ZSCAN5A: variants seen among roughly 807,000 people sequenced by gnomAD.
ZSCAN5A encodes zinc finger and SCAN domain-containing protein 5A.
Under a neutral mutation model 23.7 loss-of-function variants are expected in ZSCAN5A, and 12 were observed. That is an observed-to-expected ratio of 0.51 (90% CI 0.32 to 0.82). The LOEUF is 0.82. Ranked by LOEUF, ZSCAN5A falls within the 40% of genes least tolerant of loss-of-function variation. ZSCAN5A has a pLI of 0.03. For missense variants in ZSCAN5A, 597 were observed against 617.9 expected, an observed-to-expected ratio of 0.97 and a Z score of 0.36; for synonymous variants, 257 against 239.9, an observed-to-expected ratio of 1.07 and a Z score of -0.66.
chr19:56,357,070 T>C (rs1410609898), intron 2 of ZSCAN5A, among the ~76,000 whole-genome samples: 8 of 148,760 alleles, frequency 5.4e-5, no homozygotes. Context: ...TTTCCATTTG[T>C]GTTAGGCCTC....
chr19:56,228,290 G>C, intron 2 of ZSCAN5A: 6 of 985,338 alleles, frequency 6.1e-6, no homozygotes, highest in Non-Finnish European at 7.2e-6. Context: ...CTCGGTCTGG[G>C]ATGCGCTCTC....
Position 56,329,037 on chromosome 19 carries a change from T to C in ZSCAN5A, c.-357-12769A>G, listed in dbSNP as rs552451704. Among the ~76,000 whole-genome samples, 30 of 150,438 alleles carry C rather than the reference T, an allele frequency of 2.0e-4. No individual in the cohort carries two copies. In the East Asian group the frequency reaches 4.7e-3, roughly 24 times the overall value. ...AATAAATAAATAAATAAAAGAAATG[T>C]AACAGAAATTTTAAAAATAATTTGA... On this transcript the variant is annotated intron_variant, in intron 2 of 6. Transcript: ENST00000587340.
At chr19:56,249,742 C>G (rs1055253777) in intron 2 of ZSCAN5A, among the ~76,000 whole-genome samples, 1 of 152,216 alleles carries the variant, frequency 6.6e-6, no homozygotes, top group African/African-American at 2.4e-5. Context: ...GAGACCTCCT[C>G]AGTGTTGATA....
chr19:56,332,451 C>G (rs1489667358), intron 2 of ZSCAN5A, among the ~76,000 whole-genome samples: 1 of 152,062 alleles, frequency 6.6e-6, no homozygotes, highest in Non-Finnish European at 1.5e-5. Flanking sequence ...GTTTTAAAGT[C>G]TGTTTTGTCT....
chr19:56,323,540 T>TC (rs2041402301), intron 2 of ZSCAN5A, among the ~76,000 whole-genome samples: 1 of 151,324 alleles, frequency 6.6e-6, no homozygotes, highest in Non-Finnish European at 1.5e-5. Flanking sequence ...GAACTTTTTT[T>TC]TTTTTTTTTT....
At chr19:56,230,997 G>A (rs562620053) in intron 2 of ZSCAN5A, among the ~76,000 whole-genome samples, 1 of 152,148 alleles carries the variant, frequency 6.6e-6, no homozygotes, top group South Asian at 2.1e-4. Flanking sequence ...GTACACAGCT[G>A]AAAGCAGAAC....
At chr19:56,344,082 A>G (rs554147136) in intron 2 of ZSCAN5A, among the ~76,000 whole-genome samples, 1 of 152,350 alleles carries the variant, frequency 6.6e-6, no homozygotes, top group South Asian at 2.1e-4. Context: ...ACCATAACTG[A>G]GACAATAACA....
In ZSCAN5A at chr19:56,221,891, C is replaced by T. The variant is rs767840197; in HGVS notation, c.1175G>A (p.Arg392His). ...TTGGAGGCTAATAAGCTGCATGAAG[C>T]GCTTCCCACAGAGATTACATTGAAA... The part of the protein sequence containing the change: ...RLFQCNLCGK[R>H]FMQLISLQFH... Residue 392 changes from arginine to histidine, a missense_variant, in exon 6 of 6, where the codon CGC (arginine) becomes CAC (histidine). Physicochemically the swap from Arg to His is conservative, Grantham distance 29. Coordinates refer to ENST00000683990, the MANE Select transcript of ZSCAN5A (RefSeq NM_001322064.3). 20 of 1,614,000 alleles carry T rather than the reference C, an allele frequency of 1.2e-5. No homozygotes were observed. Among genetic ancestry groups the T allele is most frequent in the African/African-American group, 5.3e-5 (4 of 74,906 alleles).
At chr19:56,225,828 C>T (rs2033871245) in intron 2 of ZSCAN5A, among the ~76,000 whole-genome samples, 1 of 152,102 alleles carries the variant, frequency 6.6e-6, no homozygotes, top group Admixed American at 6.6e-5. Context: ...CAAAAGCAAC[C>T]CCATCCCCAT....
intron 2 of ZSCAN5A, among the ~76,000 whole-genome samples, chr19:56,330,631 T>C (rs2147436350): frequency 6.6e-6 from 1 of 152,334 alleles, no homozygotes; most frequent in East Asian, 1.9e-4. Flanking sequence ...CTTGTTTTCT[T>C]TTGACAAGTG....
chr19:56,255,408 A>G (rs754192507), intron 2 of ZSCAN5A, among the ~76,000 whole-genome samples: 10 of 152,098 alleles, frequency 6.6e-5, no homozygotes, highest in Non-Finnish European at 1.5e-4. Flanking sequence ...AGAGAATTAG[A>G]AAGTCTGCCG....
intron 2 of ZSCAN5A, chr19:56,274,774 G>T (rs1280816806): frequency 2.0e-5 from 3 of 151,654 alleles, no homozygotes; most frequent in African/African-American, 7.3e-5. Context: ...TTTTTGTTTT[G>T]TTTTGTTTTG....
intron 2 of ZSCAN5A, among the ~76,000 whole-genome samples, chr19:56,237,428 G>A (rs1028499338): frequency 2.0e-5 from 3 of 152,186 alleles, no homozygotes; most frequent in Admixed American, 1.3e-4. Flanking sequence ...TTTTCTGTTG[G>A]ACGATTTTGC....
chr19:56,302,535 C>CCCCG (rs1202634682), intron 2 of ZSCAN5A, among the ~76,000 whole-genome samples: 1 of 92,628 alleles, frequency 1.1e-5, no homozygotes, highest in Non-Finnish European at 2.5e-5. Flanking sequence ...CCTCCCTCTT[C>CCCCG]TTCCTCCCCG....
rs548831607 is a variant in ZSCAN5A at position 56,244,154 on chromosome 19, T to A, written c.-127-18981A>T. 2,836 of 1,606,036 alleles carry A rather than the reference T, an allele frequency of 1.8e-3. 10 individuals are homozygous for A. Among genetic ancestry groups the A allele is most frequent in the Non-Finnish European group, 2.2e-3 (2,559 of 1,172,758 alleles). On this transcript the variant is annotated intron_variant, in intron 2 of 5. Coordinates refer to ENST00000683990, the MANE Select transcript of ZSCAN5A (RefSeq NM_001322064.3). Reference sequence around the variant, plus strand: ...AGAAACTCAACTTGGAAATCATGACTGGGACCCTGAGACTTGTCACGTGAA... The same window carrying A: ...AGAAACTCAACTTGGAAATCATGACAGGGACCCTGAGACTTGTCACGTGAA...
chr19:56,238,017 C>G (rs1470633455), intron 2 of ZSCAN5A, among the ~76,000 whole-genome samples: 1 of 4,778 alleles, frequency 2.1e-4, no homozygotes, highest in African/African-American at 8.2e-4. Flanking sequence ...ACACACACGT[C>G]AAAGAAACAA....
chr19:56,241,464 T>C (rs2146619237), intron 2 of ZSCAN5A, among the ~76,000 whole-genome samples: 1 of 152,346 alleles, frequency 6.6e-6, no homozygotes, highest in Non-Finnish European at 1.5e-5. Flanking sequence ...GCTTTCAAAT[T>C]GAAAACTAAA....
At chr19:56,255,146 T>G (rs1185725312) in intron 2 of ZSCAN5A, among the ~76,000 whole-genome samples, 2 of 152,180 alleles carry the variant, frequency 1.3e-5, no homozygotes, top group African/African-American at 4.8e-5. Flanking sequence ...TTCTGACATT[T>G]TCACAGGCTT....
chr19:56,330,863 G>A (rs1006247748), intron 2 of ZSCAN5A, among the ~76,000 whole-genome samples: 2 of 152,116 alleles, frequency 1.3e-5, no homozygotes, highest in Non-Finnish European at 2.9e-5. Context: ...TGAGAACTTA[G>A]TAATAAATTT....
Sources: gnomAD v4.1 joint callset for allele counts (sites outside exome capture counted in the v4.1 genomes callset) on GRCh38, gnomAD v4.1.1 for gene constraint, MANE v1.5 for transcripts, NCBI Gene and HGNC (gene_info 2026-07-23, HGNC 2026-07-21) for gene names.